CHL1: variants seen among roughly 807,000 people sequenced by gnomAD.
CHL1 encodes neural cell adhesion molecule L1-like protein.
A neutral mutation model predicts 141.9 loss-of-function variants in CHL1; 96 were observed. That is an observed-to-expected ratio of 0.68 (90% CI 0.57 to 0.80). The LOEUF (loss-of-function observed/expected upper bound fraction) is 0.80. Among genes scored for constraint, CHL1 ranks in the 30% least tolerant of loss-of-function variants. CHL1 has a pLI of 0.00. For synonymous variants in CHL1, 613 were observed against 502.2 expected (o/e 1.22, Z -2.95); for missense variants, 1,820 against 1,457.2 (o/e 1.25, Z -4.05).
chr3:241,665 C>G (rs1482891391), intron 1 of CHL1, among the ~76,000 whole-genome samples: 1 of 151,402 alleles, frequency 6.6e-6, no homozygotes, highest in East Asian at 1.9e-4. Flanking sequence ...TTCTTTCAGT[C>G]ATACTTTTTA....
At chr3:393,878 A>AAGG (rs1708452243) in intron 23 of CHL1, among the ~76,000 whole-genome samples, 1 of 152,196 alleles carries the variant, frequency 6.6e-6, no homozygotes, top group South Asian at 2.1e-4. Flanking sequence ...TGGACCAAGG[A>AAGG]AGGCATTTTT....
At chr3:300,321 T>G (rs888552150) in intron 2 of CHL1, among the ~76,000 whole-genome samples, 4 of 151,942 alleles carry the variant, frequency 2.6e-5, no homozygotes, top group African/African-American at 9.7e-5. Context: ...AATGCTAAAG[T>G]TTTTTGTTTG....
intron 1 of CHL1, among the ~76,000 whole-genome samples, chr3:221,897 C>T (rs1700877816): frequency 6.6e-6 from 1 of 152,108 alleles, no homozygotes; most frequent in Non-Finnish European, 1.5e-5. Flanking sequence ...AATATAACTA[C>T]ATTTAAGACA....
intron 5 of CHL1, among the ~76,000 whole-genome samples, chr3:339,172 C>T (rs1014038830): frequency 2.0e-5 from 3 of 152,198 alleles, no homozygotes; most frequent in African/African-American, 7.2e-5. Flanking sequence ...GCTTAAGTTA[C>T]AGCGAATAAA....
intron 16 of CHL1, among the ~76,000 whole-genome samples, chr3:381,786 C>T (rs530331415): frequency 5.3e-5 from 8 of 152,130 alleles, no homozygotes; most frequent in South Asian, 2.1e-4. Flanking sequence ...CTTCAGTTTC[C>T]CCTTATCTGA....
At chr3:364,637 C>T (rs1553594897) in intron 14 of CHL1, among the ~76,000 whole-genome samples, 1 of 148,318 alleles carries the variant, frequency 6.7e-6, no homozygotes, top group Non-Finnish European at 1.5e-5. Context: ...ATTAAGGACA[C>T]TTTTTTTTTT....
rs145654794 is a variant in CHL1, at chr3:249,331, A to G, written c.-95+4639A>G. On this transcript the variant is annotated intron_variant, in intron 2 of 27. Transcript: ENST00000256509. The stretch of plus-strand genomic sequence containing the variant: ...TGCAGTGGAAGGAAGCCTCATGCAC[A>G]AAGATCAAAGATTAGTGACTTCACA... Among the ~76,000 whole-genome samples the G allele has an allele frequency of 7.1e-3, 1,083 of 152,270 alleles. 13 individuals carry two copies. Among genetic ancestry groups the G allele is most frequent in the African/African-American group, 0.025 (1,041 of 41,570 alleles).
intron 3 of CHL1, among the ~76,000 whole-genome samples, chr3:322,668 A>G (rs1419341208): frequency 2.9e-5 from 4 of 136,344 alleles, no homozygotes; most frequent in African/African-American, 1.2e-4. Context: ...ATATATATAT[A>G]TAATTATATA....
intron 1 of CHL1, among the ~76,000 whole-genome samples, chr3:240,265 T>A (rs144598772): frequency 9.8e-4 from 150 of 152,294 alleles, no homozygotes; most frequent in Non-Finnish European, 1.3e-3. Flanking sequence ...CACTATTTTT[T>A]AAATTTTTTT....
intron 2 of CHL1, among the ~76,000 whole-genome samples, chr3:262,723 G>C (rs1350633640): frequency 6.6e-6 from 1 of 152,226 alleles, no homozygotes; most frequent in Non-Finnish European, 1.5e-5. Context: ...GAATTTTGCT[G>C]TGTGCCAAAG....
chr3:349,574 C>T (rs2125196955), intron 10 of CHL1, 31 bp downstream of exon 10: 1 of 1,576,944 alleles, frequency 6.3e-7, no homozygotes. Context: ...TATTTCTCTG[C>T]TTTTCAAAAA....
Position 381,781 on chromosome 3 carries a change from G to T in CHL1, c.1877-398G>T, listed in dbSNP as rs183103622. Among the ~76,000 whole-genome samples the T allele has an allele frequency of 4.7e-4, 72 of 152,238 alleles. 1 individual carries two copies. Among genetic ancestry groups the T allele is most frequent in the Non-Finnish European group, 7.4e-5 (5 of 68,018 alleles). On this transcript the variant is annotated intron_variant, in intron 16 of 27. Transcript: ENST00000256509. ...AATGATGGTCAGAACTCAGACTTCA[G>T]TTTCCCCTTATCTGAGGTCTCCATG...
intron 5 of CHL1, among the ~76,000 whole-genome samples, chr3:337,959 T>A (rs560479424): frequency 6.6e-6 from 1 of 152,202 alleles, no homozygotes; most frequent in South Asian, 2.1e-4. Flanking sequence ...TCTTCCACAA[T>A]GGTTGAACCA....
chr3:302,961 G>A (rs981405452), intron 2 of CHL1, among the ~76,000 whole-genome samples: 9 of 152,132 alleles, frequency 5.9e-5, no homozygotes, highest in African/African-American at 2.2e-4. Context: ...TTCTGCATAT[G>A]GCTACCAGTT....
At chr3:263,366 T>C (rs1403993207) in intron 2 of CHL1, among the ~76,000 whole-genome samples, 2 of 152,196 alleles carry the variant, frequency 1.3e-5, no homozygotes, top group South Asian at 2.1e-4. Flanking sequence ...TTGCTGAACA[T>C]TTAACTGAAA....
rs560578699 is a variant in CHL1 at position 329,303 on chromosome 3, T to A, written c.385+949T>A. On this transcript the variant is annotated intron_variant, in intron 5 of 27. Transcript: ENST00000256509. ...AGATATGAAAGTATTTCAAAGAAAG[T>A]CCTAGGACTTGCAAAATATGAACAC... Among the ~76,000 whole-genome samples, 11 of 152,158 alleles carry A rather than the reference T, an allele frequency of 7.2e-5. No homozygotes were observed. The South Asian group carries it at 2.3e-3, about 32-fold the overall frequency.
chr3:400,767 A>T (rs901357374), intron 26 of CHL1, among the ~76,000 whole-genome samples: 2 of 151,950 alleles, frequency 1.3e-5, no homozygotes, highest in Non-Finnish European at 2.9e-5. Context: ...ACGCCTCTGC[A>T]CTCCAGCCTG....
At chr3:237,228 C>G (rs1692080608) in intron 1 of CHL1, among the ~76,000 whole-genome samples, 1 of 152,144 alleles carries the variant, frequency 6.6e-6, no homozygotes, top group Non-Finnish European at 1.5e-5. Flanking sequence ...TGAGGTCTCA[C>G]AAGATCTGAT....
intron 11 of CHL1, among the ~76,000 whole-genome samples, chr3:358,251 T>G (rs1208903641): frequency 6.6e-6 from 1 of 152,164 alleles, no homozygotes; most frequent in African/African-American, 2.4e-5. Flanking sequence ...GCTGCCCACA[T>G]TCCTGGCTCC....
Sources: gnomAD v4.1 joint callset for allele counts (sites outside exome capture counted in the v4.1 genomes callset) on GRCh38, gnomAD v4.1.1 for gene constraint, MANE v1.5 for transcripts, NCBI Gene and HGNC (gene_info 2026-07-23, HGNC 2026-07-21) for gene names.